The following ITGB8 variants were observed in gnomAD, a reference collection of about 807,000 sequenced individuals.
ITGB8 encodes integrin beta-8.
Under a neutral mutation model 89.5 loss-of-function variants are expected in ITGB8, and 30 were observed. That is an observed-to-expected ratio of 0.34 (90% confidence interval 0.25 to 0.45). ITGB8 has a LOEUF of 0.45. ITGB8 is among the 20% of genes least tolerant of loss of function. The pLI, the probability that ITGB8 is intolerant of heterozygous loss-of-function variation, is 1.00. For synonymous variants in ITGB8, 335 were observed against 320.4 expected, an observed-to-expected ratio of 1.05 and a Z score of -0.49; for missense variants, 836 against 933.3, an observed-to-expected ratio of 0.90 and a Z score of 1.36.
intron 3 of ITGB8, among the ~76,000 whole-genome samples, chr7:20,369,433 T>C (rs1785840599): frequency 6.6e-6 from 1 of 152,078 alleles, no homozygotes; most frequent in South Asian, 2.1e-4. Context: ...GAGAAAGTGA[T>C]CAAGAGAGAG....
At chr7:20,370,600 TTTA>T (rs67123203) in intron 3 of ITGB8, among the ~76,000 whole-genome samples, 7 of 144,410 alleles carry the variant, frequency 4.8e-5, no homozygotes, top group African/African-American at 5.1e-5. Context: ...TATTTACTTA[TTTA>T]TTATTATTAT....
Position 20,380,829 on chromosome 7 carries a change from GAAGT to G in ITGB8, c.801+2_801+5del. ...CGCCATGCTTCAGGCAGCTGTCTGT[GAAGT>G]AAGACGTTTCACATGATCGAGTGTT... On this transcript the variant is annotated splice_donor_variant and coding_sequence_variant, in exon 5 of 14. Transcript: ENST00000222573. LOFTEE classifies it high-confidence loss of function. 1.2e-6 allele frequency: 2 copies of G among 1,608,352 alleles called. No homozygotes were observed. The highest frequency in any genetic ancestry group is 8.5e-7 in the Non-Finnish European group (1 of 1,177,010).
At chr7:20,408,982 G>A (rs1787659760) in intron 12 of ITGB8, among the ~76,000 whole-genome samples, 1 of 152,162 alleles carries the variant, frequency 6.6e-6, no homozygotes, top group Admixed American at 6.5e-5. Flanking sequence ...AATGAAGAAT[G>A]ATATTTTCAT....
At chr7:20,384,784 G>A (rs1442283940) in intron 6 of ITGB8, among the ~76,000 whole-genome samples, 1 of 152,146 alleles carries the variant, frequency 6.6e-6, no homozygotes, top group Admixed American at 6.5e-5. Context: ...ATAACCAGAT[G>A]ATTTGACTTG....
At chr7:20,340,293 A>G (rs940651984) in intron 1 of ITGB8, among the ~76,000 whole-genome samples, 1 of 152,250 alleles carries the variant, frequency 6.6e-6, no homozygotes, top group African/African-American at 2.4e-5. Flanking sequence ...AAAAATTCAC[A>G]GTCTCGTGAT....
intron 6 of ITGB8, 81 bp downstream of exon 6, chr7:20,381,966 T>C: frequency 8.5e-7 from 1 of 1,180,096 alleles, no homozygotes; most frequent in Non-Finnish European, 1.2e-6. Context: ...ACTATTTTTG[T>C]ACCAGGAAAT....
At chr7:20,363,930 G>A (rs971676203) in intron 2 of ITGB8, among the ~76,000 whole-genome samples, 1 of 152,140 alleles carries the variant, frequency 6.6e-6, no homozygotes, top group Non-Finnish European at 1.5e-5. Flanking sequence ...GAAAATTATG[G>A]TAATTTTGAA....
In ITGB8 at chr7:20,398,922, T is replaced by A; in HGVS notation, c.1209T>A (p.Ile403=). 6.2e-7 allele frequency: 1 copy of A among 1,611,090 alleles called. No individual in the cohort carries two copies. Among genetic ancestry groups the A allele is most frequent in the Non-Finnish European group, 8.5e-7 (1 of 1,178,910 alleles). The change falls in exon 9 of 14, where the codon ATT becomes ATA. Residue 403 remains isoleucine, a synonymous_variant. Transcript: ENST00000222573. ...AGGTACAAGGCATCTATTTTAACAT[T>A]ACCGCCATCTGTCCAGATGGGTCCA... is the stretch of plus-strand genomic sequence containing the variant. ...ENQVQGIYFN[I]TAICPDGSRK...
chr7:20,338,269 A>T (rs755000798), intron 1 of ITGB8, among the ~76,000 whole-genome samples: 4 of 152,150 alleles, frequency 2.6e-5, no homozygotes, highest in Non-Finnish European at 5.9e-5. Context: ...TGTTATGCTC[A>T]CTGCTATTTG....
At chr7:20,347,069 T>C (rs1024162792) in intron 1 of ITGB8, among the ~76,000 whole-genome samples, 1 of 152,204 alleles carries the variant, frequency 6.6e-6, no homozygotes, top group African/African-American at 2.4e-5. Context: ...TTCTGCCATA[T>C]GAAGACACAG....
chr7:20,409,920 C>A lies in ITGB8; in HGVS notation c.2233C>A (p.Arg745=). 1 of 1,613,454 alleles carries A rather than the reference C, an allele frequency of 6.2e-7. No individual in the cohort carries two copies. The highest frequency in any genetic ancestry group is 8.5e-7 in the Non-Finnish European group (1 of 1,179,584). ...QSVCTRAVTY[R]REKPEEIKMD... ...TGTTTGCACAAGAGCAGTCACCTAC[C>A]GACGTGAGAAGCCTGAAGAAATAAA... The change falls in exon 14 of 14, where the codon CGA becomes AGA. Residue 745 remains arginine, a synonymous_variant. Transcript: ENST00000222573.
intron 3 of ITGB8, among the ~76,000 whole-genome samples, chr7:20,377,890 A>C (rs1470549276): frequency 6.6e-6 from 1 of 152,226 alleles, no homozygotes; most frequent in Non-Finnish European, 1.5e-5. Context: ...AATCGAAAAG[A>C]AAATATTGCT....
At chr7:20,390,814 C>T (rs1010115564) in intron 6 of ITGB8, among the ~76,000 whole-genome samples, 3 of 152,012 alleles carry the variant, frequency 2.0e-5, no homozygotes, top group African/African-American at 7.2e-5. Context: ...GAATTGAGAA[C>T]TTTTGTTGTA....
In ITGB8 at chr7:20,331,656, C is replaced by T; in HGVS notation, c.-151C>T. 3 of 941,066 alleles carry T rather than the reference C, an allele frequency of 3.2e-6. No individual in the cohort carries two copies. The highest frequency in any genetic ancestry group is 4.5e-6 in the Non-Finnish European group (3 of 669,972). 58.3% of individuals were successfully genotyped at this position (941,066 alleles called of 1,614,324 possible). On this transcript the variant is annotated 5_prime_UTR_variant, in exon 1 of 14. Coordinates refer to ENST00000222573, the MANE Select transcript of ITGB8 (RefSeq NM_002214.3). ...GGTGCCCGGGCCCGCTTACCTGCAC[C>T]GCTTGCTCCGAGCCGCGGGGTCCGC... is the stretch of plus-strand genomic sequence containing the variant.
chr7:20,342,393 A>C (rs1189013594), intron 1 of ITGB8, among the ~76,000 whole-genome samples: 2 of 152,220 alleles, frequency 1.3e-5, no homozygotes, highest in East Asian at 3.8e-4. Flanking sequence ...GAATTTCCTA[A>C]GGAGGAATTT....
At chr7:20,347,433 G>A (rs1292626039) in intron 1 of ITGB8, among the ~76,000 whole-genome samples, 5 of 152,092 alleles carry the variant, frequency 3.3e-5, no homozygotes, top group South Asian at 4.1e-4. Flanking sequence ...GCAAATGATC[G>A]ATAAGGAAGG....
chr7:20,389,005 A>G (rs1166312758), intron 6 of ITGB8, among the ~76,000 whole-genome samples: 1 of 152,156 alleles, frequency 6.6e-6, no homozygotes, highest in African/African-American at 2.4e-5. Context: ...TCCGTGGTGT[A>G]TATGTGCCAC....
chr7:20,391,418 G>A lies in ITGB8; in HGVS notation c.976G>A (p.Gly326Ser), dbSNP rs747692264. Reference sequence around the variant, plus strand: ...TTCATTACAGGAACACCCCTCACTAGGCCAACTTTCAGAGAAATTAATAGA... The same window carrying A: ...TTCATTACAGGAACACCCCTCACTAAGCCAACTTTCAGAGAAATTAATAGA... ...KSTTMEHPSLGQLSEKLIDNN... is the reference protein window; with the variant it reads ...KSTTMEHPSLSQLSEKLIDNN... The change falls in exon 7 of 14, where the codon GGC becomes AGC. Residue 326 changes from glycine to serine, a missense_variant. Transcript: ENST00000222573. The A allele has an allele frequency of 6.3e-7, 1 of 1,595,410 alleles. No homozygotes were observed. The highest frequency in any genetic ancestry group is 2.3e-5 in the East Asian group (1 of 44,344).
intron 7 of ITGB8, among the ~76,000 whole-genome samples, chr7:20,393,319 G>T (rs1377526738): frequency 2.0e-5 from 3 of 152,176 alleles, no homozygotes; most frequent in African/African-American, 4.8e-5. Flanking sequence ...TATGCACAAA[G>T]TCAGAATCAA....
Sources: gnomAD v4.1 joint callset for allele counts (sites outside exome capture counted in the v4.1 genomes callset) on GRCh38, gnomAD v4.1.1 for gene constraint, MANE v1.5 for transcripts, NCBI Gene and HGNC (gene_info 2026-07-23, HGNC 2026-07-21) for gene names.